RFT1: variants seen among roughly 807,000 people sequenced by gnomAD.
RFT1 encodes man(5)GlcNAc(2)-PP-dolichol translocation protein RFT1.
In RFT1, 43 loss-of-function variants were observed where a neutral mutation model predicts 62.2. That is an observed-to-expected ratio of 0.69 (90% confidence interval 0.54 to 0.89). The LOEUF is 0.89. RFT1 is among the 40% of genes least tolerant of loss of function. The probability of loss-of-function intolerance (pLI) is 0.00; values close to 1 mark genes in which losing one functional copy is unlikely to be tolerated. For synonymous variants in RFT1, 262 were observed against 264.6 expected (o/e 0.99, Z 0.10); for missense variants, 605 against 649.9 (o/e 0.93, Z 0.75).
the RFT1 span, among the ~76,000 whole-genome samples, chr3:53,082,061 A>G: frequency 6.6e-6 from 1 of 152,044 alleles, no homozygotes; most frequent in Non-Finnish European, 1.5e-5. Flanking sequence ...TTCCCGCCTC[A>G]GCCTCCTGAG....
chr3:53,092,344 G>A (rs368792638), intron 12 of RFT1, 25 bp downstream of exon 12: 87 of 1,587,718 alleles, frequency 5.5e-5, no homozygotes, highest in Non-Finnish European at 6.9e-5. Flanking sequence ...AGAAGCATGT[G>A]GCATGATGGC....
chr3:53,107,006 T>C, intron 7 of RFT1, 137 bp from the exon 8 acceptor site: 2 of 683,442 alleles, frequency 2.9e-6, no homozygotes, highest in Non-Finnish European at 5.3e-6. Flanking sequence ...GACATGTCCT[T>C]GTCCTAATGT....
At chr3:53,080,625 C>A in the RFT1 span, among the ~76,000 whole-genome samples, 4 of 152,132 alleles carry the variant, frequency 2.6e-5, no homozygotes, top group African/African-American at 7.2e-5. Flanking sequence ...TTGTGTTGGG[C>A]AGATTTAAAA....
chr3:53,080,197 G>T, the RFT1 span, among the ~76,000 whole-genome samples: 1 of 152,246 alleles, frequency 6.6e-6, no homozygotes, highest in Non-Finnish European at 1.5e-5. Flanking sequence ...TCTGAAATTG[G>T]TGGAAATCAT....
the RFT1 span, among the ~76,000 whole-genome samples, chr3:53,067,234 T>A: frequency 6.6e-6 from 1 of 152,088 alleles, no homozygotes. Context: ...TAGTCCCAGC[T>A]ACAACTTGGG....
chr3:53,073,471 CA>C, the RFT1 span, among the ~76,000 whole-genome samples: 1 of 152,036 alleles, frequency 6.6e-6, no homozygotes, highest in Non-Finnish European at 1.5e-5. Flanking sequence ...AAGGGAAGCA[CA>C]AGTGTGTGGC....
At chr3:53,104,220 A>G (rs1042923532) in intron 9 of RFT1, 123 bp from the exon 10 acceptor site, 27 of 983,042 alleles carry the variant, frequency 2.7e-5, no homozygotes, top group Admixed American at 9.9e-5. Context: ...CGTGATGGAT[A>G]TCACTATTTT....
intron 10 of RFT1, among the ~76,000 whole-genome samples, chr3:53,101,520 T>C (rs992114920): frequency 2.0e-5 from 3 of 152,196 alleles, no homozygotes; most frequent in Non-Finnish European, 4.4e-5. Context: ...AAGGGTTTTG[T>C]GTCCATTTGG....
the RFT1 span, among the ~76,000 whole-genome samples, chr3:53,072,176 C>G: frequency 6.6e-6 from 1 of 152,182 alleles, no homozygotes; most frequent in South Asian, 2.1e-4. Context: ...CCAGGGTCCC[C>G]ACACACTCAC....
chr3:53,085,146 TG>T (rs1477062314), downstream of RFT1, among the ~76,000 whole-genome samples: 1 of 152,258 alleles, frequency 6.6e-6, no homozygotes, highest in African/African-American at 2.4e-5. Flanking sequence ...GCCTCTACCC[TG>T]AGAGCAGTAG....
At chr3:53,085,518 T>C (rs2253675), downstream of RFT1, among the ~76,000 whole-genome samples, 98,588 of 152,174 alleles carry the variant, frequency 0.65, 32,315 homozygotes, top group East Asian at 0.84. Flanking sequence ...GCTTTTTCAA[T>C]TGCTACAGAA....
Position 53,105,802 on chromosome 3 carries a change from A to G in RFT1, c.828T>C (p.Gly276=). Residue 276 remains glycine, a splice_region_variant and synonymous_variant, in exon 9 of 13, where the codon GGT becomes GGC. Coordinates refer to ENST00000296292, the MANE Select transcript of RFT1 (RefSeq NM_052859.4). ...CAAGATTATTCACTATATCATACAC[A>G]CCTACAAAACAAAAAAGAAGAAACA... ...FLNVLNFGDQ[G]VYDIVNNLGS... 1 of 1,612,280 alleles carries G rather than the reference A, an allele frequency of 6.2e-7. No individual in the cohort carries two copies. The highest frequency in any genetic ancestry group is 8.5e-7 in the Non-Finnish European group (1 of 1,179,128).
the RFT1 span, among the ~76,000 whole-genome samples, chr3:53,079,957 C>T: frequency 6.6e-6 from 1 of 152,182 alleles, no homozygotes; most frequent in Admixed American, 6.5e-5. Context: ...GGGGTGTCCT[C>T]GTGGGCCACC....
At chr3:53,109,233 C>T (rs1365185745) in intron 7 of RFT1, among the ~76,000 whole-genome samples, 1 of 152,148 alleles carries the variant, frequency 6.6e-6, no homozygotes, top group Non-Finnish European at 1.5e-5. Flanking sequence ...CAAAATAGAC[C>T]TCTCCTTCCT....
At chr3:53,086,258 T>C (rs1700851607), downstream of RFT1, among the ~76,000 whole-genome samples, 1 of 152,196 alleles carries the variant, frequency 6.6e-6, no homozygotes, top group Non-Finnish European at 1.5e-5. Flanking sequence ...TGGACACTCA[T>C]GGAATATTCA....
intron 1 of RFT1, among the ~76,000 whole-genome samples, chr3:53,126,489 CAAT>C (rs1281435877): frequency 1.3e-5 from 2 of 152,202 alleles, no homozygotes; most frequent in East Asian, 3.8e-4. Context: ...CTAGGAATTT[CAAT>C]AATGACATTT....
At chr3:53,078,519 T>A in the RFT1 span, among the ~76,000 whole-genome samples, 1 of 151,966 alleles carries the variant, frequency 6.6e-6, no homozygotes. Flanking sequence ...GAGGTCGAGG[T>A]GGGAGGATCA....
At chr3:53,123,632 C>A in intron 3 of RFT1, 92 bp downstream of exon 3, 1 of 976,050 alleles carries the variant, frequency 1.0e-6, no homozygotes, top group Admixed American at 1.7e-5. Context: ...AATCTGGGGG[C>A]AATTCAGCTT....
downstream of RFT1, among the ~76,000 whole-genome samples, chr3:53,087,895 A>G (rs1489452838): frequency 1.3e-5 from 2 of 152,226 alleles, no homozygotes; most frequent in African/African-American, 4.8e-5. Flanking sequence ...GGGTTATTTT[A>G]CATCTTAGTG....
Sources: gnomAD v4.1 joint callset for allele counts (sites outside exome capture counted in the v4.1 genomes callset) on GRCh38, gnomAD v4.1.1 for gene constraint, MANE v1.5 for transcripts, NCBI Gene and HGNC (gene_info 2026-07-23, HGNC 2026-07-21) for gene names.